ZNF385D: variants seen among roughly 807,000 people sequenced by gnomAD.
ZNF385D encodes zinc finger protein 659.
Under a neutral mutation model 35.8 loss-of-function variants are expected in ZNF385D, and 15 were observed. The observed-to-expected ratio is 0.42, with a 90% confidence interval of 0.28 to 0.64. ZNF385D has a LOEUF of 0.64. Among genes scored for constraint, ZNF385D ranks in the 30% least tolerant of loss-of-function variants. The probability of loss-of-function intolerance (pLI) is 0.23; values close to 1 mark genes in which losing one functional copy is unlikely to be tolerated. For missense variants in ZNF385D, 474 were observed against 494.6 expected, an observed-to-expected ratio of 0.96 and a Z score of 0.39; for synonymous variants, 212 against 186.8, an observed-to-expected ratio of 1.13 and a Z score of -1.10.
At chr3:22,026,685 TG>T (rs1697573936) in intron 3 of ZNF385D, among the ~76,000 whole-genome samples, 2 of 151,634 alleles carry the variant, frequency 1.3e-5, no homozygotes, top group Non-Finnish European at 2.9e-5. Flanking sequence ...AGCGGTAGAG[TG>T]AGGGTTATTA....
chr3:21,918,984 A>G lies in ZNF385D; in HGVS notation c.325+249833T>C, dbSNP rs1047360619. ...AATCCTTTCTACTTTTGTCAAACAC[A>G]GACAGCCTTAATTTAAAATCTCTTT... is the stretch of plus-strand genomic sequence containing the variant. On this transcript the variant is annotated intron_variant, in intron 3 of 5. Transcript: ENST00000494108. Among the ~76,000 whole-genome samples the G allele has an allele frequency of 1.8e-4, 27 of 152,232 alleles. 1 individual carries two copies. The highest frequency in any genetic ancestry group is 1.6e-3 in the Admixed American group (25 of 15,288).
chr3:21,710,223 T>A (rs1188821545), intron 1 of ZNF385D, among the ~76,000 whole-genome samples: 5 of 152,248 alleles, frequency 3.3e-5, no homozygotes, highest in Non-Finnish European at 7.4e-5. Flanking sequence ...GTGGTAGTGG[T>A]TACATAGACT....
At chr3:21,695,453 T>G (rs566988881) in intron 1 of ZNF385D, among the ~76,000 whole-genome samples, 4 of 152,098 alleles carry the variant, frequency 2.6e-5, no homozygotes. Flanking sequence ...AGTTCAAAGG[T>G]TGGGTTGCAG....
chr3:21,428,911 C>T (rs963129791), intron 5 of ZNF385D, among the ~76,000 whole-genome samples: 33 of 139,104 alleles, frequency 2.4e-4, no homozygotes, highest in Admixed American at 5.8e-4. Flanking sequence ...AAATTCAGCA[C>T]GGCATAAGGC....
intron 3 of ZNF385D, among the ~76,000 whole-genome samples, chr3:22,092,410 G>T (rs979032581): frequency 6.6e-6 from 1 of 152,172 alleles, no homozygotes; most frequent in Non-Finnish European, 1.5e-5. Flanking sequence ...TATCCAGACA[G>T]TGCTGACTCT....
intron 3 of ZNF385D, among the ~76,000 whole-genome samples, chr3:21,945,341 A>G (rs992287974): frequency 2.6e-5 from 4 of 152,076 alleles, no homozygotes; most frequent in Non-Finnish European, 5.9e-5. Context: ...TTTTTTAACC[A>G]ATGTGAATGT....
chr3:21,691,600 C>T (rs1202575310), intron 1 of ZNF385D, among the ~76,000 whole-genome samples: 2 of 152,136 alleles, frequency 1.3e-5, no homozygotes, highest in African/African-American at 4.8e-5. Context: ...TCTTTGCTCA[C>T]ACATCCACCA....
At chr3:21,834,573 C>A (rs759539900) in intron 3 of ZNF385D, among the ~76,000 whole-genome samples, 12 of 152,274 alleles carry the variant, frequency 7.9e-5, no homozygotes, top group African/African-American at 2.9e-4. Context: ...CTGAGCCTTA[C>A]CCTACCTTTG....
intron 3 of ZNF385D, among the ~76,000 whole-genome samples, chr3:22,013,813 G>T (rs527897060): frequency 3.9e-5 from 6 of 152,102 alleles, no homozygotes; most frequent in Non-Finnish European, 8.8e-5. Context: ...CTCATTCTCA[G>T]AGCACAAGTG....
At chr3:22,083,296 A>T (rs1447736661) in intron 3 of ZNF385D, among the ~76,000 whole-genome samples, 3 of 152,212 alleles carry the variant, frequency 2.0e-5, no homozygotes, top group Admixed American at 6.5e-5. Context: ...GAGCTAAAGG[A>T]GGATGTTCGA....
At position 22,040,017 on chromosome 3, in the gene ZNF385D, G is replaced by T. The variant is rs76552322; in HGVS notation, c.325+128800C>A. 8.7e-3 allele frequency among the ~76,000 whole-genome samples: 1,323 copies of T among 152,204 alleles called. 15 individuals carry two copies. Among genetic ancestry groups the T allele is most frequent in the Middle Eastern group, 0.02 (6 of 294 alleles). On this transcript the variant is annotated intron_variant, in intron 3 of 5. Transcript: ENST00000494108. ...ATATTTGGCCTCCTGCTCCCGCCAT[G>T]CACCGTTGCCTCAACCTGGCCATGC...
intron 3 of ZNF385D, among the ~76,000 whole-genome samples, chr3:22,105,513 GTCTGCTGT>G (rs1307654781): frequency 6.6e-6 from 1 of 152,136 alleles, no homozygotes; most frequent in African/African-American, 2.4e-5. Flanking sequence ...AAGTCCCACA[GTCTGCTGT>G]CTGCAAGCTG....
At chr3:21,561,492 C>T (rs774058778) in intron 3 of ZNF385D, among the ~76,000 whole-genome samples, 1 of 152,186 alleles carries the variant, frequency 6.6e-6, no homozygotes, top group East Asian at 1.9e-4. Flanking sequence ...TCCAACCAGT[C>T]CCAATGAGAT....
chr3:22,205,026 A>G (rs1487166396), intron 2 of ZNF385D, among the ~76,000 whole-genome samples: 1 of 151,716 alleles, frequency 6.6e-6, no homozygotes, highest in Admixed American at 6.6e-5. Flanking sequence ...AGAAGGTTAT[A>G]GAACACCAAG....
At chr3:21,885,352 G>T (rs888440862) in intron 3 of ZNF385D, among the ~76,000 whole-genome samples, 1 of 151,722 alleles carries the variant, frequency 6.6e-6, no homozygotes, top group East Asian at 1.9e-4. Flanking sequence ...TAAATTCTTT[G>T]CTGAGTCGAA....
intron 1 of ZNF385D, among the ~76,000 whole-genome samples, chr3:21,704,577 C>T (rs145482857): frequency 2.9e-3 from 431 of 151,186 alleles, no homozygotes; most frequent in African/African-American, 9.8e-3. Context: ...GGTGTGATCT[C>T]GGCTCACTGC....
intron 3 of ZNF385D, among the ~76,000 whole-genome samples, chr3:21,831,659 G>A (rs113699596): frequency 7.5e-4 from 114 of 152,178 alleles, no homozygotes; most frequent in Middle Eastern, 6.8e-3. Flanking sequence ...TAGATAATTG[G>A]AACCCTCCCA....
At chr3:22,338,052 TATAAC>T (rs1302718733) in intron 2 of ZNF385D, among the ~76,000 whole-genome samples, 8 of 152,226 alleles carry the variant, frequency 5.3e-5, no homozygotes, top group African/African-American at 1.4e-4. Context: ...TCTTACAGCT[TATAAC>T]ATATGCTGAA....
intron 1 of ZNF385D, among the ~76,000 whole-genome samples, chr3:21,733,876 C>G (rs891398205): frequency 1.3e-5 from 2 of 152,116 alleles, no homozygotes; most frequent in Non-Finnish European, 2.9e-5. Flanking sequence ...TCAGTTTTAT[C>G]ATAGCCTAAA....
Sources: gnomAD v4.1 joint callset for allele counts (sites outside exome capture counted in the v4.1 genomes callset) on GRCh38, gnomAD v4.1.1 for gene constraint, MANE v1.5 for transcripts, NCBI Gene and HGNC (gene_info 2026-07-23, HGNC 2026-07-21) for gene names.